ACTR3C: variants seen among roughly 807,000 people sequenced by gnomAD.
The protein encoded by ACTR3C is actin related protein 3C.
In ACTR3C, 18 loss-of-function variants were observed where a neutral mutation model predicts 26.3. That is an observed-to-expected ratio of 0.68 (90% CI 0.47 to 1.01). The LOEUF (loss-of-function observed/expected upper bound fraction) is 1.01. Among genes scored for constraint, ACTR3C ranks in the 50% least tolerant of loss-of-function variants. The pLI is 0.00. For missense variants in ACTR3C, 184 were observed against 250.7 expected (o/e 0.73, Z 1.80); for synonymous variants, 55 against 94.5 (o/e 0.58, Z 2.42).
At chr7:149,939,395 A>T in the ACTR3C span, among the ~76,000 whole-genome samples, 5 of 152,324 alleles carry the variant, frequency 3.3e-5, no homozygotes, top group South Asian at 1.0e-3. Context: ...AGAGTTCAGG[A>T]GGAGAGAGGC....
At chr7:150,243,060 T>A (rs397833632), downstream of ACTR3C, among the ~76,000 whole-genome samples, 18 of 152,298 alleles carry the variant, frequency 1.2e-4, no homozygotes, top group African/African-American at 3.8e-4. Context: ...GTTATTACAT[T>A]TACTGTGTGC....
chr7:150,036,872 T>A, the ACTR3C span, among the ~76,000 whole-genome samples: 1,716 of 91,586 alleles, frequency 0.019, 70 homozygotes, highest in African/African-American at 0.06. Context: ...CAGGGGGGGA[T>A]GAGGGTCTGG....
chr7:150,036,610 CCA>C, the ACTR3C span, among the ~76,000 whole-genome samples: 4 of 143,630 alleles, frequency 2.8e-5, no homozygotes, highest in African/African-American at 7.5e-5. Context: ...TGTTTGGGAT[CCA>C]CAGTCTACGA....
the ACTR3C span, among the ~76,000 whole-genome samples, chr7:150,039,108 G>T: frequency 6.7e-6 from 1 of 150,312 alleles, no homozygotes; most frequent in South Asian, 2.1e-4. Context: ...CCTCCAGGTG[G>T]GTCCTAAGGA....
At chr7:150,165,290 C>T in the ACTR3C span, among the ~76,000 whole-genome samples, 18 of 152,162 alleles carry the variant, frequency 1.2e-4, no homozygotes, top group African/African-American at 4.1e-4. Flanking sequence ...TTTGCCCTGA[C>T]TTCCTAGCAG....
the ACTR3C span, among the ~76,000 whole-genome samples, chr7:150,175,746 C>T: frequency 2.3e-5 from 3 of 131,322 alleles, no homozygotes; most frequent in African/African-American, 9.4e-5. Context: ...ACCTGGGAAG[C>T]GGAGGTTGCA....
the ACTR3C span, among the ~76,000 whole-genome samples, chr7:150,142,998 A>T: frequency 1.3e-5 from 2 of 151,094 alleles, no homozygotes; most frequent in East Asian, 3.9e-4. Context: ...CTCACCGGCT[A>T]ATTTTTGTAT....
At chr7:149,973,128 C>T in the ACTR3C span, among the ~76,000 whole-genome samples, 7 of 151,320 alleles carry the variant, frequency 4.6e-5, no homozygotes, top group Admixed American at 2.0e-4. Flanking sequence ...CATGAGCGAG[C>T]GGCACATTTG....
chr7:150,051,560 A>C, the ACTR3C span, among the ~76,000 whole-genome samples: 1 of 95,866 alleles, frequency 1.0e-5, no homozygotes, highest in African/African-American at 3.6e-5. Flanking sequence ...TTTTATTCCT[A>C]CTTATTGGGT....
chr7:150,067,236 T>C, the ACTR3C span, among the ~76,000 whole-genome samples: 971 of 152,292 alleles, frequency 6.4e-3, 12 homozygotes, highest in African/African-American at 0.022. Flanking sequence ...AAATGCTGGA[T>C]GGGGACTTGG....
the ACTR3C span, among the ~76,000 whole-genome samples, chr7:150,092,645 G>A: frequency 6.6e-6 from 1 of 150,452 alleles, no homozygotes. Flanking sequence ...TACTGCATGT[G>A]TTCAGCAGGG....
the ACTR3C span, among the ~76,000 whole-genome samples, chr7:149,993,609 C>T: frequency 1.3e-5 from 2 of 152,018 alleles, no homozygotes; most frequent in African/African-American, 2.4e-5. Context: ...GCACTTCTGT[C>T]GGAATCAGCT....
chr7:150,237,996 C>T, the ACTR3C span, among the ~76,000 whole-genome samples: 1 of 149,810 alleles, frequency 6.7e-6, no homozygotes, highest in Non-Finnish European at 1.5e-5. Context: ...TCCCACTCCC[C>T]GCATAGTGTT....
At chr7:150,308,244 C>A (rs995279595) in intron 1 of ACTR3C, among the ~76,000 whole-genome samples, 1 of 152,000 alleles carries the variant, frequency 6.6e-6, no homozygotes, top group Admixed American at 6.6e-5. Context: ...CTATGGGCAA[C>A]CTTCCACCCT....
At chr7:150,066,480 C>G in the ACTR3C span, among the ~76,000 whole-genome samples, 1 of 152,168 alleles carries the variant, frequency 6.6e-6, no homozygotes, top group Non-Finnish European at 1.5e-5. Flanking sequence ...AGGATTTGAC[C>G]AGGTATACCT....
At chr7:150,118,347 T>C in the ACTR3C span, among the ~76,000 whole-genome samples, 2 of 151,894 alleles carry the variant, frequency 1.3e-5, no homozygotes, top group Non-Finnish European at 2.9e-5. Context: ...TAAAAAGTTA[T>C]AGGAACTGCT....
chr7:150,250,412 C>G (rs1832765404), intron 6 of ACTR3C, among the ~76,000 whole-genome samples: 1 of 151,694 alleles, frequency 6.6e-6, no homozygotes, highest in South Asian at 2.1e-4. Flanking sequence ...ACCGTGTTAG[C>G]CAGGATGGTC....
At chr7:150,062,386 C>T in the ACTR3C span, 1 of 94,330 alleles carries the variant, frequency 1.1e-5, no homozygotes, top group Non-Finnish European at 2.0e-5. Flanking sequence ...GGCTGTACTG[C>T]TGGATACCTC....
At chr7:149,912,883 A>C in the ACTR3C span, among the ~76,000 whole-genome samples, 1 of 152,036 alleles carries the variant, frequency 6.6e-6, no homozygotes, top group Non-Finnish European at 1.5e-5. Flanking sequence ...ACACTGGCAA[A>C]AGCACAAATT....
Sources: gnomAD v4.1 joint callset for allele counts (sites outside exome capture counted in the v4.1 genomes callset) on GRCh38, gnomAD v4.1.1 for gene constraint, MANE v1.5 for transcripts, NCBI Gene and HGNC (gene_info 2026-07-23, HGNC 2026-07-21) for gene names.